Variants in RASSF5 observed in about 807,000 individuals in gnomAD.
The protein encoded by RASSF5 is Ras association domain family member 5.
A neutral mutation model predicts 40.5 loss-of-function variants in RASSF5; 25 were observed. The ratio of observed to expected loss-of-function variants is 0.62; its 90% CI spans 0.45 to 0.86. RASSF5 has a LOEUF of 0.86. Among genes scored for constraint, RASSF5 ranks in the 40% least tolerant of loss-of-function variants. RASSF5 has a pLI of 0.00. For synonymous variants in RASSF5, 246 were observed against 252.4 expected (o/e 0.97, Z 0.24); for missense variants, 521 against 572.8 (o/e 0.91, Z 0.92).
At chr1:206,548,110 TAAC>T (rs1164462520) in intron 2 of RASSF5, among the ~76,000 whole-genome samples, 2 of 152,230 alleles carry the variant, frequency 1.3e-5, no homozygotes, top group Non-Finnish European at 2.9e-5. Flanking sequence ...GCATTATTTC[TAAC>T]AATAAATTTA....
intron 2 of RASSF5, among the ~76,000 whole-genome samples, chr1:206,569,411 C>A (rs1275504538): frequency 3.9e-5 from 6 of 152,186 alleles, no homozygotes; most frequent in African/African-American, 1.4e-4. Flanking sequence ...CAGGTAGCAA[C>A]CCTCAGAGAG....
At chr1:206,556,243 C>T (rs1490902940) in intron 2 of RASSF5, among the ~76,000 whole-genome samples, 1 of 152,222 alleles carries the variant, frequency 6.6e-6, no homozygotes, top group East Asian at 1.9e-4. Context: ...GCTGCACACA[C>T]CAGGGCTGAG....
chr1:206,532,094 T>C (rs1553398047), intron 1 of RASSF5, among the ~76,000 whole-genome samples: 1 of 152,084 alleles, frequency 6.6e-6, no homozygotes, highest in South Asian at 2.1e-4. Flanking sequence ...AATTTTCCAA[T>C]GCATATTATT....
chr1:206,515,804 A>G (rs781834756), intron 1 of RASSF5, among the ~76,000 whole-genome samples: 4 of 152,160 alleles, frequency 2.6e-5, no homozygotes, highest in Non-Finnish European at 5.9e-5. Context: ...TTTCTATCCA[A>G]GTTGAATGGA....
intron 2 of RASSF5, chr1:206,557,811 C>G: frequency 1.7e-6 from 2 of 1,154,258 alleles, no homozygotes; most frequent in Non-Finnish European, 2.5e-6. Context: ...GGAAAGTGGC[C>G]AGGCAGTTGC....
At chr1:206,562,605 C>T (rs1292410211) in intron 2 of RASSF5, among the ~76,000 whole-genome samples, 1 of 152,194 alleles carries the variant, frequency 6.6e-6, no homozygotes, top group Non-Finnish European at 1.5e-5. Context: ...CTCGCATCTC[C>T]TTCAGGTCCA....
At chr1:206,526,293 T>TGTGTGTGTGTGTGTGTGTGTGTGTG (rs1553397193) in intron 1 of RASSF5, among the ~76,000 whole-genome samples, 14 of 151,436 alleles carry the variant, frequency 9.2e-5, no homozygotes, top group African/African-American at 2.9e-4. Context: ...TGTGTGTGTG[T>TGTGTGTGTGTGTGTGTGTGTGTGTG]TGGAGTTGGG....
Position 206,517,471 on chromosome 1 carries a change from C to CA in RASSF5, c.457+9421dup, listed in dbSNP as rs551163145. 6.4e-4 allele frequency among the ~76,000 whole-genome samples: 97 copies of CA among 150,628 alleles called. No individual in the cohort carries two copies. In the South Asian group the frequency reaches 9.2e-3, roughly 14 times the overall value. Reference sequence around the variant, plus strand: ...TGGATGACAGAGCAAGATCCTGTCTCAAAAAAAAAGAAAAAAGAACAAGTG... The same window carrying CA: ...TGGATGACAGAGCAAGATCCTGTCTCAAAAAAAAAAGAAAAAAGAACAAGTG... On this transcript the variant is annotated intron_variant, in intron 1 of 5. Coordinates refer to ENST00000579436, the MANE Select transcript of RASSF5 (RefSeq NM_182663.4).
intron 1 of RASSF5, among the ~76,000 whole-genome samples, chr1:206,528,393 C>T (rs1227556942): frequency 2.0e-5 from 3 of 151,992 alleles, no homozygotes; most frequent in Non-Finnish European, 4.4e-5. Flanking sequence ...TCAGGGGTTG[C>T]CAGGGTTAGA....
At chr1:206,521,731 T>C (rs373736932) in intron 1 of RASSF5, among the ~76,000 whole-genome samples, 48 of 152,176 alleles carry the variant, frequency 3.2e-4, no homozygotes, top group East Asian at 7.7e-4. Flanking sequence ...CCCTTCTCTT[T>C]CCGTATGTGC....
chr1:206,582,207 C>T (rs1264811267), intron 2 of RASSF5, among the ~76,000 whole-genome samples: 3 of 152,150 alleles, frequency 2.0e-5, no homozygotes, highest in Admixed American at 1.3e-4. Flanking sequence ...ACAGTGGCTT[C>T]GACCCCAGAA....
intron 2 of RASSF5, among the ~76,000 whole-genome samples, chr1:206,553,177 G>A (rs1208175790): frequency 6.6e-6 from 1 of 152,078 alleles, no homozygotes; most frequent in Admixed American, 6.6e-5. Context: ...ACTCCAGCCT[G>A]GGTGACAGAG....
intron 1 of RASSF5, chr1:206,528,940 G>A: frequency 1.6e-6 from 1 of 625,894 alleles, no homozygotes; most frequent in Non-Finnish European, 2.8e-6. Flanking sequence ...AAGGCCAAGG[G>A]GAAGAAGGTG....
At chr1:206,583,407 C>A in intron 3 of RASSF5, 28 bp downstream of exon 3, 2 of 1,484,342 alleles carry the variant, frequency 1.3e-6, no homozygotes, top group Admixed American at 1.7e-5. Context: ...CTCAACCTGG[C>A]CCCTGCTCCA....
rs1668804161 is a variant in RASSF5 at position 206,579,953 on chromosome 1, T to C, written c.580-3316T>C. ...CAGCAGCCATCCCAGACCTGGGTGC[T>C]GGCATTCCATGGCTGTGACATTCGT... On this transcript the variant is annotated intron_variant, in intron 2 of 5. Coordinates refer to ENST00000579436, the MANE Select transcript of RASSF5 (RefSeq NM_182663.4). This position sits in a 1 kb window ranked among gnomAD's most constrained non-coding sequence, Gnocchi z 4.2. Among the ~76,000 whole-genome samples the C allele has an allele frequency of 6.6e-6, 1 of 152,340 alleles. No individual in the cohort carries two copies. The highest frequency in any genetic ancestry group is 2.1e-4 in the South Asian group (1 of 4,834).
rs1284264436 is a variant in RASSF5 at position 206,564,917 on chromosome 1, T to TCACAGAAGGCTTCTGTC, written c.580-18350_580-18334dup. 6.6e-5 allele frequency among the ~76,000 whole-genome samples: 10 copies of TCACAGAAGGCTTCTGTC among 152,268 alleles called. No homozygotes were observed. In the East Asian group the frequency reaches 1.9e-3, roughly 29 times the overall value. On this transcript the variant is annotated intron_variant, in intron 2 of 5. Transcript: ENST00000579436. ...GAATTGCTGAGCCTGTGGCTTCTGT[T>TCACAGAAGGCTTCTGTC]CACAGAAGGCTTCTGTCCTGGGGGC...
chr1:206,507,769 C>G lies in RASSF5; in HGVS notation c.167C>G (p.Ala56Gly), dbSNP rs782119488. The change falls in exon 1 of 6, where the codon GCG becomes GGG. Residue 56 changes from alanine to glycine, a missense_variant. Around this residue, in one of 2 missense-constraint regions of RASSF5, gnomAD observed 237 missense variants for 212.0 expected, o/e 1.12. Transcript: ENST00000579436. Reference protein sequence around the residue: ...VPAPLSTAPGAREGRSARRAA... With the variant: ...VPAPLSTAPGGREGRSARRAA... ...GCGCCCCTCTCCACTGCGCCCGGGGCGCGCGAGGGGCGCAGCGCCCGGAGG... is the reference window on the plus strand; with the variant it reads ...GCGCCCCTCTCCACTGCGCCCGGGGGGCGCGAGGGGCGCAGCGCCCGGAGG... 1.5e-4 allele frequency: 204 copies of G among 1,404,670 alleles called. 1 individual carries two copies. The highest frequency in any genetic ancestry group is 1.8e-4 in the Non-Finnish European group (197 of 1,089,094). The allele number at this position is 1,404,670 out of a possible 1,614,324, so 87.0% of individuals were successfully genotyped here. A position where few individuals can be genotyped will look rare whatever the true frequency, so the allele number is the denominator to read the frequency against.
rs1186080463 is a variant in RASSF5 at position 206,529,084 on chromosome 1, A to G, written c.458-9088A>G. On this transcript the variant is annotated intron_variant, in intron 1 of 5. Transcript: ENST00000579436. ...ACCTGCTTTGTGAAATGGCCCTGCT[A>G]TATCAGGTTGCAAAGGCAGGGAGCC... 6 of 1,127,432 alleles carry G rather than the reference A, an allele frequency of 5.3e-6. No homozygotes were observed. In the East Asian group the frequency reaches 9.4e-5, roughly 18 times the overall value. 69.8% of individuals were successfully genotyped at this position (1,127,432 alleles called of 1,614,324 possible).
At chr1:206,561,182 T>C (rs1477554390) in intron 2 of RASSF5, among the ~76,000 whole-genome samples, 1 of 152,244 alleles carries the variant, frequency 6.6e-6, no homozygotes, top group Non-Finnish European at 1.5e-5. Context: ...CCTCGCTTTA[T>C]AGATGGAGAA....
Sources: allele counts gnomAD v4.1 joint callset (sites outside exome capture counted in the v4.1 genomes callset), GRCh38; gene constraint gnomAD v4.1.1; regional missense constraint gnomAD v4.1.1; non-coding constraint Gnocchi (gnomAD v3.1); transcripts MANE v1.5; gene names NCBI Gene and HGNC (gene_info 2026-07-23, HGNC 2026-07-21).